TNIK: variants seen among roughly 807,000 people sequenced by gnomAD.
TNIK encodes the protein TRAF2 and NCK-interacting protein kinase.
In TNIK, 49 loss-of-function variants were observed where a neutral mutation model predicts 191.3. The ratio of observed to expected loss-of-function variants is 0.26; its 90% CI spans 0.20 to 0.32. The LOEUF is 0.32. TNIK is among the 10% of genes least tolerant of loss of function. The pLI, the probability that TNIK is intolerant of heterozygous loss-of-function variation, is 1.00. For missense variants in TNIK, 1,155 were observed against 1,702.3 expected (o/e 0.68, Z 5.66); for synonymous variants, 594 against 600.9 (o/e 0.99, Z 0.17).
chr3:171,386,643 A>G (rs1193583635), intron 1 of TNIK, among the ~76,000 whole-genome samples: 1 of 152,212 alleles, frequency 6.6e-6, no homozygotes, highest in Non-Finnish European at 1.5e-5. Flanking sequence ...CAGAATTTGC[A>G]ATTACTGAAA....
Position 171,141,673 on chromosome 3 carries a change from C to T in TNIK, c.1222-1164G>A, listed in dbSNP as rs565187903. ...GATGCCAAACATCCTGTGCAAGGCA[C>T]AGGATTGTCACATATTACCAAGTCT... On this transcript the variant is annotated intron_variant, in intron 12 of 32. Transcript: ENST00000436636. Among the ~76,000 whole-genome samples the T allele has an allele frequency of 2.6e-5, 4 of 152,348 alleles. No homozygotes were observed. In the East Asian group the frequency reaches 5.8e-4, roughly 22 times the overall value.
At chr3:171,113,610 GA>G (rs558311545) in intron 18 of TNIK, among the ~76,000 whole-genome samples, 142 of 127,764 alleles carry the variant, frequency 1.1e-3, no homozygotes, top group South Asian at 1.2e-3. Context: ...TGTCTGTCTC[GA>G]AAAAAAAAAA....
chr3:171,263,221 A>C (rs1008333957), intron 2 of TNIK, among the ~76,000 whole-genome samples: 1 of 152,176 alleles, frequency 6.6e-6, no homozygotes, highest in Non-Finnish European at 1.5e-5. Context: ...TAGTTAGTAG[A>C]GCCAGTGTTG....
intron 2 of TNIK, among the ~76,000 whole-genome samples, chr3:171,268,915 A>T (rs1315749925): frequency 6.6e-6 from 1 of 152,236 alleles, no homozygotes. Context: ...ATTCAAAGGC[A>T]TGGCTCTGTC....
At chr3:171,140,047 A>G (rs1445199852) in intron 13 of TNIK, among the ~76,000 whole-genome samples, 2 of 152,238 alleles carry the variant, frequency 1.3e-5, no homozygotes, top group Non-Finnish European at 2.9e-5. Context: ...ACTCAAAGTC[A>G]TAAAGACCAG....
intron 1 of TNIK, among the ~76,000 whole-genome samples, chr3:171,412,351 GT>G (rs904364041): frequency 3.3e-5 from 5 of 152,152 alleles, no homozygotes; most frequent in African/African-American, 1.2e-4. Context: ...GCTAATTAGA[GT>G]TTTCAAATTA....
chr3:171,254,998 A>G (rs1367250776), intron 2 of TNIK, among the ~76,000 whole-genome samples: 1 of 152,244 alleles, frequency 6.6e-6, no homozygotes, highest in East Asian at 1.9e-4. Context: ...TGGCTTTTCC[A>G]AAGATTCAAA....
chr3:171,211,311 A>T, intron 3 of TNIK, 70 bp from the exon 4 acceptor site: 1 of 1,504,144 alleles, frequency 6.6e-7, no homozygotes, highest in Admixed American at 2.2e-5. Flanking sequence ...GTTCTTCAAC[A>T]CCATCTAAAT....
At chr3:171,445,562 A>G (rs2108707016) in intron 1 of TNIK, among the ~76,000 whole-genome samples, 1 of 152,286 alleles carries the variant, frequency 6.6e-6, no homozygotes, top group Middle Eastern at 3.4e-3. Context: ...ATGCAGGATA[A>G]CATTTACTGA....
intron 5 of TNIK, among the ~76,000 whole-genome samples, chr3:171,193,447 A>G (rs1347262786): frequency 6.6e-6 from 1 of 152,228 alleles, no homozygotes; most frequent in Non-Finnish European, 1.5e-5. Flanking sequence ...GAAATAATGT[A>G]CACCTCCATT....
intron 2 of TNIK, among the ~76,000 whole-genome samples, chr3:171,237,468 G>A (rs1279540965): frequency 6.6e-5 from 10 of 150,884 alleles, no homozygotes; most frequent in Admixed American, 6.6e-4. Context: ...ATGAAATTTA[G>A]TGAGCAACTT....
intron 18 of TNIK, among the ~76,000 whole-genome samples, chr3:171,118,328 A>G (rs1436713458): frequency 6.6e-6 from 1 of 152,250 alleles, no homozygotes; most frequent in Non-Finnish European, 1.5e-5. Context: ...GCTCATGGAT[A>G]GGAAGAATCA....
chr3:171,113,446 A>T (rs1328857919), intron 18 of TNIK, among the ~76,000 whole-genome samples: 5 of 152,082 alleles, frequency 3.3e-5, no homozygotes, highest in African/African-American at 1.2e-4. Flanking sequence ...TCTACTAAAA[A>T]TACAAAAAAA....
intron 8 of TNIK, among the ~76,000 whole-genome samples, chr3:171,176,612 T>A (rs1472682659): frequency 1.3e-5 from 2 of 152,196 alleles, no homozygotes; most frequent in African/African-American, 4.8e-5. Context: ...GGGTGAAAGT[T>A]GCCTACAAAG....
intron 25 of TNIK, 30 bp from the exon 26 acceptor site, chr3:171,084,355 G>A (rs750009645): frequency 1.5e-5 from 24 of 1,601,182 alleles, no homozygotes; most frequent in Non-Finnish European, 2.0e-5. Context: ...AGAAGTCAGT[G>A]ACATCTTAAA....
intron 2 of TNIK, among the ~76,000 whole-genome samples, chr3:171,313,167 A>G (rs1265741976): frequency 6.6e-6 from 1 of 152,138 alleles, no homozygotes; most frequent in East Asian, 1.9e-4. Context: ...ATTGCCTCTA[A>G]GGATTGCAGC....
At chr3:171,348,712 A>G (rs1712657733) in intron 2 of TNIK, among the ~76,000 whole-genome samples, 1 of 152,098 alleles carries the variant, frequency 6.6e-6, no homozygotes, top group Non-Finnish European at 1.5e-5. Context: ...GAGGGCCTAC[A>G]ACAGTCATAC....
At chr3:171,247,328 T>C (rs770394191) in intron 2 of TNIK, among the ~76,000 whole-genome samples, 5 of 152,202 alleles carry the variant, frequency 3.3e-5, no homozygotes, top group Non-Finnish European at 7.3e-5. Flanking sequence ...GAAAAGAGAA[T>C]AGATCCAAAG....
intron 3 of TNIK, among the ~76,000 whole-genome samples, chr3:171,215,822 A>G (rs543359854): frequency 6.6e-6 from 1 of 152,348 alleles, no homozygotes; most frequent in Non-Finnish European, 1.5e-5. Flanking sequence ...AACATTTAAT[A>G]TTAGTTATAT....
Sources: gnomAD v4.1 joint callset for allele counts (sites outside exome capture counted in the v4.1 genomes callset) on GRCh38, gnomAD v4.1.1 for gene constraint, MANE v1.5 for transcripts, NCBI Gene and HGNC (gene_info 2026-07-23, HGNC 2026-07-21) for gene names.